PLOD1: variants seen among roughly 807,000 people sequenced by gnomAD.
PLOD1 encodes the protein procollagen-lysine,2-oxoglutarate 5-dioxygenase 1.
PLOD1 carries 70 observed loss-of-function variants against 94.7 expected under a neutral mutation model. That is an observed-to-expected ratio of 0.74 (90% confidence interval 0.61 to 0.90). The LOEUF (loss-of-function observed/expected upper bound fraction) is 0.90. PLOD1 is among the 40% of genes least tolerant of loss of function. PLOD1 has a pLI of 0.00. For missense variants in PLOD1, 905 were observed against 972.7 expected, an observed-to-expected ratio of 0.93 and a Z score of 0.93; for synonymous variants, 417 against 400.2, an observed-to-expected ratio of 1.04 and a Z score of -0.50.
At chr1:11,941,985 C>CT (rs34636670) in intron 1 of PLOD1, among the ~76,000 whole-genome samples, 3,652 of 138,586 alleles carry the variant, frequency 0.026, 142 homozygotes, top group African/African-American at 0.087. Context: ...TGTGCCCGGC[C>CT]TTTTTTTTTT....
chr1:11,953,897 C>T (rs983254973), intron 5 of PLOD1, among the ~76,000 whole-genome samples: 3 of 151,774 alleles, frequency 2.0e-5, no homozygotes, highest in Non-Finnish European at 4.4e-5. Context: ...GACAGGGTCT[C>T]ACTGTCACCC....
intron 10 of PLOD1, among the ~76,000 whole-genome samples, chr1:11,961,152 A>C (rs892382724): frequency 6.6e-6 from 1 of 152,110 alleles, no homozygotes; most frequent in African/African-American, 2.4e-5. Flanking sequence ...GAGAGGCCAA[A>C]GTTGAAGGAT....
chr1:11,953,613 G>A (rs1645718417), intron 5 of PLOD1, among the ~76,000 whole-genome samples: 1 of 151,604 alleles, frequency 6.6e-6, no homozygotes, highest in Non-Finnish European at 1.5e-5. Context: ...CCAACATGAT[G>A]AAACCCTGTC....
At chr1:11,966,948 C>T (rs764048378) in intron 15 of PLOD1, 39 bp from the exon 16 acceptor site, 1 of 1,233,562 alleles carries the variant, frequency 8.1e-7, no homozygotes, top group Admixed American at 1.7e-5. Context: ...TCTGTGGTGC[C>T]ACTGTGGACC....
chr1:11,944,517 A>C, intron 1 of PLOD1: 1 of 1,338,424 alleles, frequency 7.5e-7, no homozygotes, highest in Non-Finnish European at 9.9e-7. Flanking sequence ...TCCTGTCCCC[A>C]GCAGCCCCCT....
chr1:11,974,277 C>G (rs960247710), intron 18 of PLOD1, among the ~76,000 whole-genome samples: 1 of 152,052 alleles, frequency 6.6e-6, no homozygotes, highest in African/African-American at 2.4e-5. Context: ...TCACTGCCTC[C>G]TGGGTTCAAG....
At chr1:11,937,127 C>T (rs886714887) in intron 1 of PLOD1, among the ~76,000 whole-genome samples, 4 of 152,186 alleles carry the variant, frequency 2.6e-5, no homozygotes, top group Non-Finnish European at 4.4e-5. Flanking sequence ...GGATTACAGG[C>T]GTGAGCCACC....
intron 4 of PLOD1, among the ~76,000 whole-genome samples, chr1:11,951,600 A>G: frequency 6.8e-6 from 1 of 146,530 alleles, no homozygotes; most frequent in East Asian, 2.0e-4. Context: ...AAAATATATT[A>G]TATATATTAT....
intron 9 of PLOD1, among the ~76,000 whole-genome samples, chr1:11,959,198 T>C (rs1416603252): frequency 6.6e-6 from 1 of 151,290 alleles, no homozygotes; most frequent in Non-Finnish European, 1.5e-5. Flanking sequence ...AGAGCAAAAC[T>C]CCGTCTCAAA....
intron 2 of PLOD1, 86 bp downstream of exon 2, chr1:11,948,153 C>G (rs903903133): frequency 2.1e-6 from 2 of 936,958 alleles, no homozygotes; most frequent in African/African-American, 3.2e-5. Flanking sequence ...TACCACGTCT[C>G]TTAAGATAGA....
chr1:11,935,437 C>T (rs1005115298), intron 1 of PLOD1, among the ~76,000 whole-genome samples: 1 of 152,150 alleles, frequency 6.6e-6, no homozygotes, highest in African/African-American at 2.4e-5. Flanking sequence ...TCATCCATGT[C>T]CCCTGTGGTC....
chr1:11,971,275 C>T (rs1645861951), intron 17 of PLOD1, among the ~76,000 whole-genome samples: 1 of 52,414 alleles, frequency 1.9e-5, no homozygotes, highest in Non-Finnish European at 3.7e-5. Context: ...GAGAGTCTGG[C>T]AAGGGGAGGG....
At chr1:11,948,151 C>A in intron 2 of PLOD1, 84 bp downstream of exon 2, 1 of 949,814 alleles carries the variant, frequency 1.1e-6, no homozygotes, top group Non-Finnish European at 1.7e-6. Flanking sequence ...ACTACCACGT[C>A]TCTTAAGATA....
chr1:11,966,329 G>T lies in PLOD1; in HGVS notation c.1650+13G>T. ...GCTGGTGGAGACGGTAAGGGCCATG[G>T]ACACCCTCTTGGACCAGCCTTGCCT... On this transcript the variant is annotated intron_variant, in intron 15 of 18. Coordinates refer to ENST00000196061, the MANE Select transcript of PLOD1 (RefSeq NM_000302.4). 1 of 1,595,466 alleles carries T rather than the reference G, an allele frequency of 6.3e-7. No individual in the cohort carries two copies. Among genetic ancestry groups the T allele is most frequent in the Non-Finnish European group, 8.6e-7 (1 of 1,168,656 alleles).
At chr1:11,964,042 G>C in intron 11 of PLOD1, 133 bp from the exon 12 acceptor site, 1 of 950,092 alleles carries the variant, frequency 1.1e-6, no homozygotes, top group Non-Finnish European at 1.7e-6. Flanking sequence ...CCAAGGCACT[G>C]CCTGTCTCAG....
chr1:11,947,571 A>G (rs1645665405), intron 1 of PLOD1, among the ~76,000 whole-genome samples: 1 of 152,156 alleles, frequency 6.6e-6, no homozygotes, highest in Non-Finnish European at 1.5e-5. Flanking sequence ...CTCTGTCTCA[A>G]AAAAATAAAA....
chr1:11,937,715 G>A (rs572221923), intron 1 of PLOD1, among the ~76,000 whole-genome samples: 18 of 152,254 alleles, frequency 1.2e-4, no homozygotes, highest in Non-Finnish European at 2.1e-4. Context: ...CAGATCCAAG[G>A]AAGCCTTCAC....
At chr1:11,934,883 G>T (rs1304075413) in intron 1 of PLOD1, 28 bp downstream of exon 1, 1 of 1,531,380 alleles carries the variant, frequency 6.5e-7, no homozygotes, top group Non-Finnish European at 8.7e-7. Flanking sequence ...GGGGGCGGGA[G>T]CGCGGATCCG....
chr1:11,959,378 C>T (rs1381232994), intron 9 of PLOD1, among the ~76,000 whole-genome samples: 1 of 151,986 alleles, frequency 6.6e-6, no homozygotes, highest in Admixed American at 6.6e-5. Context: ...TCACTTCCAT[C>T]CCTGTCACTG....
Sources: allele counts gnomAD v4.1 joint callset (sites outside exome capture counted in the v4.1 genomes callset), GRCh38; gene constraint gnomAD v4.1.1; transcripts MANE v1.5; gene names NCBI Gene and HGNC (gene_info 2026-07-23, HGNC 2026-07-21).